Variants in GPHN observed in about 807,000 individuals in gnomAD.
GPHN encodes the protein gephyrin.
GPHN carries 17 observed loss-of-function variants against 95.5 expected under a neutral mutation model. The ratio of observed to expected loss-of-function variants is 0.18; its 90% CI spans 0.12 to 0.27. The LOEUF (loss-of-function observed/expected upper bound fraction) is 0.27. Among genes scored for constraint, GPHN ranks in the 10% least tolerant of loss-of-function variants. GPHN has a pLI of 1.00. For synonymous variants in GPHN, 320 were observed against 322.5 expected (o/e 0.99, Z 0.08); for missense variants, 660 against 978.1 (o/e 0.67, Z 4.34).
the GPHN span, among the ~76,000 whole-genome samples, chr14:67,434,108 G>A: frequency 2.6e-5 from 4 of 152,202 alleles, no homozygotes; most frequent in Admixed American, 2.6e-4. Context: ...TAAAAGGCCA[G>A]TATCCTGCTC....
At position 66,686,044 on chromosome 14, in the gene GPHN, A is replaced by T. The variant is rs866444451; in HGVS notation, c.143+4859A>T. On this transcript the variant is annotated intron_variant, in intron 2 of 22. Transcript: ENST00000478722. ...CTTGTTTTTGTCAGGTTTGTCAAAGATCAGATGGTTGTAGATGTGTGGCAT... is the reference window on the plus strand; with the variant it reads ...CTTGTTTTTGTCAGGTTTGTCAAAGTTCAGATGGTTGTAGATGTGTGGCAT... 8.5e-5 allele frequency among the ~76,000 whole-genome samples: 13 copies of T among 152,306 alleles called. 2 individuals are homozygous for T. The highest frequency in any genetic ancestry group is 3.1e-4 in the African/African-American group (13 of 41,566).
chr14:66,931,226 G>T (rs1042642412), intron 8 of GPHN, among the ~76,000 whole-genome samples: 1 of 151,956 alleles, frequency 6.6e-6, no homozygotes, highest in African/African-American at 2.4e-5. Flanking sequence ...AGACATATTG[G>T]ACCTCCTTTA....
the GPHN span, among the ~76,000 whole-genome samples, chr14:67,500,913 A>G: frequency 6.6e-6 from 1 of 151,956 alleles, no homozygotes; most frequent in South Asian, 2.1e-4. Flanking sequence ...CAAAGCAGCT[A>G]TAAGAATTAA....
chr14:67,514,731 T>A, the GPHN span, among the ~76,000 whole-genome samples: 2 of 151,478 alleles, frequency 1.3e-5, no homozygotes, highest in Non-Finnish European at 2.9e-5. Flanking sequence ...GAAGAGGAGG[T>A]GTCAACCTAC....
chr14:66,991,620 C>CA (rs11429395), intron 9 of GPHN, among the ~76,000 whole-genome samples: 16,141 of 132,564 alleles, frequency 0.12, 1,937 homozygotes, highest in East Asian at 0.44. Flanking sequence ...TCCAATATAG[C>CA]AAAAAAAAAA....
chr14:66,720,800 G>C (rs2070669947), intron 2 of GPHN, among the ~76,000 whole-genome samples: 1 of 152,142 alleles, frequency 6.6e-6, no homozygotes, highest in South Asian at 2.1e-4. Context: ...AAGAGTTCAA[G>C]GCTGCAGTGA....
chr14:67,494,864 C>T, the GPHN span, among the ~76,000 whole-genome samples: 5 of 152,288 alleles, frequency 3.3e-5, no homozygotes, highest in Non-Finnish European at 4.4e-5. Context: ...GTAATCCCAG[C>T]GCTTTGAGAG....
At chr14:66,912,316 A>G (rs1334757376) in intron 5 of GPHN, among the ~76,000 whole-genome samples, 1 of 152,038 alleles carries the variant, frequency 6.6e-6, no homozygotes, top group African/African-American at 2.4e-5. Context: ...TTCTTCAGGC[A>G]GAAGCTTAGA....
chr14:67,554,870 C>T, the GPHN span, among the ~76,000 whole-genome samples: 1 of 152,172 alleles, frequency 6.6e-6, no homozygotes, highest in Non-Finnish European at 1.5e-5. Flanking sequence ...GCTCCTCAGC[C>T]TTGAGTGACA....
chr14:66,628,374 T>C (rs2063600517), intron 1 of GPHN, among the ~76,000 whole-genome samples: 1 of 152,174 alleles, frequency 6.6e-6, no homozygotes, highest in Non-Finnish European at 1.5e-5. Context: ...GCTGTCAGGC[T>C]ACAAACTATA....
chr14:67,440,503 G>A, the GPHN span, among the ~76,000 whole-genome samples: 1 of 152,128 alleles, frequency 6.6e-6, no homozygotes, highest in South Asian at 2.1e-4. Flanking sequence ...GCTCACACCT[G>A]TAATCCCGGC....
chr14:67,356,442 A>G, the GPHN span, among the ~76,000 whole-genome samples: 1,162 of 144,116 alleles, frequency 8.1e-3, 14 homozygotes, highest in African/African-American at 0.029. Flanking sequence ...AACAAAAAAA[A>G]AAAAACAAAA....
chr14:67,274,335 A>G, the GPHN span, among the ~76,000 whole-genome samples: 907 of 152,264 alleles, frequency 6.0e-3, 13 homozygotes, highest in African/African-American at 0.018. Context: ...TCAGCTTTCT[A>G]CATATGCCTA....
intron 4 of GPHN, among the ~76,000 whole-genome samples, chr14:66,839,568 C>G (rs910126984): frequency 1.3e-5 from 2 of 152,030 alleles, no homozygotes; most frequent in Admixed American, 6.6e-5. Context: ...GTATTTGAAC[C>G]AGAGAGAATA....
intron 4 of GPHN, among the ~76,000 whole-genome samples, chr14:66,829,196 C>T (rs113233457): frequency 0.013 from 1,899 of 150,840 alleles, 18 homozygotes; most frequent in Non-Finnish European, 0.018. Context: ...CAAGCAATTC[C>T]TGTGCCTCAG....
chr14:67,493,474 G>A, the GPHN span, among the ~76,000 whole-genome samples: 2,374 of 152,304 alleles, frequency 0.016, 46 homozygotes, highest in African/African-American at 0.052. Context: ...TTTGTTCAGT[G>A]TGCTCTCGTG....
the GPHN span, among the ~76,000 whole-genome samples, chr14:67,265,956 T>TA: frequency 6.6e-6 from 1 of 151,996 alleles, no homozygotes; most frequent in Non-Finnish European, 1.5e-5. Flanking sequence ...AAAAAACTTT[T>TA]AAAAAAAATC....
chr14:66,700,145 T>G (rs2068423399), intron 2 of GPHN, among the ~76,000 whole-genome samples: 1 of 152,194 alleles, frequency 6.6e-6, no homozygotes, highest in Non-Finnish European at 1.5e-5. Context: ...GTTAAATGTT[T>G]TCTATTTCTG....
chr14:67,729,695 T>C, the GPHN span: 24 of 553,842 alleles, frequency 4.3e-5, no homozygotes, highest in African/African-American at 4.1e-4. Context: ...GTTTTTCTCC[T>C]TCTTTAAGCT....
Sources: allele counts gnomAD v4.1 joint callset (sites outside exome capture counted in the v4.1 genomes callset), GRCh38; gene constraint gnomAD v4.1.1; transcripts MANE v1.5; gene names NCBI Gene and HGNC (gene_info 2026-07-23, HGNC 2026-07-21).